RANBP17: variants seen among roughly 807,000 people sequenced by gnomAD.
RANBP17 encodes RAN binding protein 17, also known as ran-binding protein 17.
A neutral mutation model predicts 141.2 loss-of-function variants in RANBP17; 158 were observed. The ratio of observed to expected loss-of-function variants is 1.12; its 90% CI spans 0.98 to 1.28. RANBP17 has a LOEUF of 1.28. Among genes scored for constraint, RANBP17 ranks in the 50% most tolerant of loss-of-function variants. The pLI, the probability that RANBP17 is intolerant of heterozygous loss-of-function variation, is 0.00. For synonymous variants in RANBP17, 430 were observed against 450.0 expected, an observed-to-expected ratio of 0.96 and a Z score of 0.56; for missense variants, 1,438 against 1,290.7, an observed-to-expected ratio of 1.11 and a Z score of -1.75.
intron 25 of RANBP17, among the ~76,000 whole-genome samples, chr5:171,293,147 C>T: frequency 6.6e-6 from 1 of 152,174 alleles, no homozygotes. Flanking sequence ...CCAGAGTCAT[C>T]CCTGCCTCCT....
At chr5:170,862,660 CCGGGCGCGGGCG>C (rs200590393) in intron 1 of RANBP17, among the ~76,000 whole-genome samples, 2 of 152,052 alleles carry the variant, frequency 1.3e-5, no homozygotes, top group Admixed American at 6.5e-5. Context: ...GAAACCCGGG[CCGGGCGCGGGCG>C]CGGGCGCGGA....
At chr5:170,937,691 G>C (rs973769299) in intron 12 of RANBP17, among the ~76,000 whole-genome samples, 5 of 152,166 alleles carry the variant, frequency 3.3e-5, no homozygotes, top group African/African-American at 1.2e-4. Context: ...AGGTGACCCT[G>C]TAAGCTTGTG....
chr5:171,054,301 G>C (rs1431844622), intron 14 of RANBP17, among the ~76,000 whole-genome samples: 1 of 152,012 alleles, frequency 6.6e-6, no homozygotes, highest in Non-Finnish European at 1.5e-5. Flanking sequence ...CCAGTGTCTT[G>C]GGCTGCTCAC....
intron 25 of RANBP17, among the ~76,000 whole-genome samples, chr5:171,279,123 A>G (rs1581173368): frequency 6.6e-6 from 1 of 152,142 alleles, no homozygotes; most frequent in East Asian, 1.9e-4. Flanking sequence ...TTCTGTGATA[A>G]GCATTCTCAA....
chr5:171,233,679 A>T (rs763223543), intron 22 of RANBP17, among the ~76,000 whole-genome samples: 5 of 152,228 alleles, frequency 3.3e-5, no homozygotes, highest in African/African-American at 1.2e-4. Flanking sequence ...ACTACGTGAC[A>T]TTCTGGAAAA....
chr5:171,299,890 A>G lies in RANBP17; in HGVS notation c.*1032A>G, dbSNP rs562777076. On this transcript the variant is annotated 3_prime_UTR_variant, in exon 28 of 28. Coordinates refer to ENST00000523189, the MANE Select transcript of RANBP17 (RefSeq NM_022897.5). ...ATCGTCCACTGTCAAGTGTTTTACT[A>G]TCTCACTGCTGTTTTTATGATTCAG... is the stretch of plus-strand genomic sequence containing the variant. 1.6e-4 allele frequency: 33 copies of G among 211,378 alleles called. No individual in the cohort carries two copies. Among genetic ancestry groups the G allele is most frequent in the African/African-American group, 6.3e-4 (28 of 44,290 alleles). 13.1% of individuals were successfully genotyped at this position (211,378 alleles called of 1,614,324 possible).
At chr5:170,976,346 T>A (rs1777377244) in intron 14 of RANBP17, among the ~76,000 whole-genome samples, 1 of 152,146 alleles carries the variant, frequency 6.6e-6, no homozygotes, top group African/African-American at 2.4e-5. Flanking sequence ...GGGGATGTAA[T>A]AACTGGAAAG....
chr5:171,174,753 T>TGA (rs1760325329), intron 16 of RANBP17, among the ~76,000 whole-genome samples: 1 of 120,146 alleles, frequency 8.3e-6, no homozygotes, highest in African/African-American at 3.3e-5. Context: ...ATATCTAGAG[T>TGA]GTGTGTGTGT....
chr5:171,265,504 T>C (rs1308777018), intron 24 of RANBP17, among the ~76,000 whole-genome samples, 177 bp from the exon 25 acceptor site: 1 of 152,200 alleles, frequency 6.6e-6, no homozygotes, highest in Admixed American at 6.5e-5. Flanking sequence ...CACTCTAGCC[T>C]GGGTGACAAT....
intron 18 of RANBP17, among the ~76,000 whole-genome samples, chr5:171,188,511 A>G (rs1400887805): frequency 6.6e-6 from 1 of 152,230 alleles, no homozygotes; most frequent in East Asian, 1.9e-4. Context: ...TTGTCCAAGC[A>G]TTAAAGAGAC....
chr5:171,047,471 C>G (rs529004754), intron 14 of RANBP17, among the ~76,000 whole-genome samples: 51 of 130,656 alleles, frequency 3.9e-4, no homozygotes, highest in African/African-American at 1.4e-3. Flanking sequence ...GAGTCTCACT[C>G]TGTCGCCCAG....
chr5:171,217,123 G>A (rs879423937), intron 21 of RANBP17, among the ~76,000 whole-genome samples: 19 of 152,094 alleles, frequency 1.2e-4, no homozygotes, highest in Non-Finnish European at 1.8e-4. Context: ...AGCATGGAGG[G>A]ATGTTGAATT....
chr5:171,127,855 A>G (rs1473668446), intron 14 of RANBP17, among the ~76,000 whole-genome samples: 1 of 152,180 alleles, frequency 6.6e-6, no homozygotes, highest in Non-Finnish European at 1.5e-5. Context: ...ATTACTGGGA[A>G]TTTATCTAAA....
intron 14 of RANBP17, among the ~76,000 whole-genome samples, chr5:171,119,131 G>A (rs1007681555): frequency 1.1e-4 from 17 of 152,014 alleles, no homozygotes; most frequent in Admixed American, 3.9e-4. Flanking sequence ...TATCATGAAG[G>A]GATGCTGAAT....
intron 22 of RANBP17, among the ~76,000 whole-genome samples, chr5:171,237,023 T>A (rs1410518221): frequency 6.6e-6 from 1 of 152,180 alleles, no homozygotes; most frequent in Non-Finnish European, 1.5e-5. Flanking sequence ...GAAGACATCC[T>A]GGAGTCAGTC....
intron 14 of RANBP17, among the ~76,000 whole-genome samples, chr5:171,132,126 T>A (rs1756963403): frequency 6.6e-6 from 1 of 152,170 alleles, no homozygotes; most frequent in Non-Finnish European, 1.5e-5. Flanking sequence ...TGAACTTGCT[T>A]TAAATAAACA....
At chr5:171,035,804 G>A (rs1051248645) in intron 14 of RANBP17, among the ~76,000 whole-genome samples, 1 of 130,910 alleles carries the variant, frequency 7.6e-6, no homozygotes, top group Admixed American at 8.4e-5. Context: ...GTGCAGGTTT[G>A]TTCCATGGGT....
chr5:170,983,148 A>G (rs2127553601), intron 14 of RANBP17: 1 of 514,156 alleles, frequency 1.9e-6, no homozygotes, highest in Middle Eastern at 2.9e-4. Flanking sequence ...TCTGAGAATC[A>G]GAGGATCAAA....
intron 24 of RANBP17, chr5:171,252,250 G>A: frequency 1.3e-6 from 2 of 1,574,400 alleles, no homozygotes; most frequent in Non-Finnish European, 1.7e-6. Context: ...GAGAAAGCAA[G>A]AAAAACAAAA....
Sources: allele counts gnomAD v4.1 joint callset (sites outside exome capture counted in the v4.1 genomes callset), GRCh38; gene constraint gnomAD v4.1.1; transcripts MANE v1.5; gene names NCBI Gene and HGNC (gene_info 2026-07-23, HGNC 2026-07-21).